LRRIQ1: variants seen among roughly 807,000 people sequenced by gnomAD.
The protein encoded by LRRIQ1 is leucine-rich repeat- and IQ domain-containing protein 1.
In LRRIQ1, 210 loss-of-function variants were observed where a neutral mutation model predicts 211.9. That is an observed-to-expected ratio of 0.99 (90% confidence interval 0.89 to 1.11). LRRIQ1 has a LOEUF of 1.11. Among genes scored for constraint, LRRIQ1 ranks in the 50% most tolerant of loss-of-function variants. The pLI, the probability that LRRIQ1 is intolerant of heterozygous loss-of-function variation, is 0.00. For synonymous variants in LRRIQ1, 699 were observed against 650.1 expected (o/e 1.08, Z -1.14); for missense variants, 2,136 against 1,939.5 (o/e 1.10, Z -1.90).
At chr12:85,257,117 A>G (rs1896132028) in intron 1 of LRRIQ1, among the ~76,000 whole-genome samples, 1 of 118,034 alleles carries the variant, frequency 8.5e-6, no homozygotes, top group Non-Finnish European at 1.7e-5. Flanking sequence ...ATATATAATT[A>G]CATAATATAT....
At chr12:85,220,092 A>G (rs891618347) in intron 24 of LRRIQ1, among the ~76,000 whole-genome samples, 2 of 152,172 alleles carry the variant, frequency 1.3e-5, no homozygotes, top group Non-Finnish European at 2.9e-5. Flanking sequence ...TTGCCGACAT[A>G]AGATACATAG....
chr12:85,041,987 A>G (rs1432056651), intron 3 of LRRIQ1, among the ~76,000 whole-genome samples: 4 of 151,982 alleles, frequency 2.6e-5, no homozygotes, highest in Non-Finnish European at 4.4e-5. Flanking sequence ...ATTGCTATGT[A>G]AAGATTTACT....
At chr12:85,148,585 A>T (rs1054043173) in intron 19 of LRRIQ1, among the ~76,000 whole-genome samples, 1 of 151,962 alleles carries the variant, frequency 6.6e-6, no homozygotes, top group Admixed American at 6.6e-5. Flanking sequence ...TGACTTTGCT[A>T]TTATAAATAG....
chr12:85,183,480 C>T (rs1431966927), intron 24 of LRRIQ1, among the ~76,000 whole-genome samples: 1 of 151,958 alleles, frequency 6.6e-6, no homozygotes, highest in Non-Finnish European at 1.5e-5. Flanking sequence ...GCTCATTTTG[C>T]CCCAAATTCT....
chr12:85,138,442 A>G (rs903149054), intron 19 of LRRIQ1, among the ~76,000 whole-genome samples: 2 of 151,544 alleles, frequency 1.3e-5, no homozygotes, highest in African/African-American at 4.8e-5. Flanking sequence ...ATTTTGTAGA[A>G]TATCTCTGAA....
intron 24 of LRRIQ1, among the ~76,000 whole-genome samples, chr12:85,217,217 A>G (rs1003412406): frequency 4.0e-5 from 6 of 151,458 alleles, no homozygotes; most frequent in Non-Finnish European, 7.4e-5. Context: ...ATGAACATAT[A>G]GACATATGTG....
intron 8 of LRRIQ1, among the ~76,000 whole-genome samples, chr12:85,061,316 A>G (rs1274827238): frequency 6.6e-6 from 1 of 151,810 alleles, no homozygotes; most frequent in Non-Finnish European, 1.5e-5. Flanking sequence ...AATTAATACA[A>G]AAATTTATTT....
chr12:85,231,151 CAA>C (rs1894919527), intron 25 of LRRIQ1, among the ~76,000 whole-genome samples: 1 of 151,620 alleles, frequency 6.6e-6, no homozygotes, highest in Non-Finnish European at 1.5e-5. Flanking sequence ...AACACACAAA[CAA>C]AAAGCTATCA....
At chr12:85,221,149 T>G (rs1894384643) in intron 24 of LRRIQ1, among the ~76,000 whole-genome samples, 1 of 152,008 alleles carries the variant, frequency 6.6e-6, no homozygotes, top group South Asian at 2.1e-4. Context: ...AGTTGTTAAT[T>G]TTTATCCCAA....
Position 85,047,274 on chromosome 12 carries a change from G to A in LRRIQ1, c.482G>A (p.Cys161Tyr), listed in dbSNP as rs757987265. ...GATGCTGATATAAATTTTGGATACT[G>A]TGAAGTGGAAGAAAAATGTAGACAG... is the stretch of plus-strand genomic sequence containing the variant. The part of the protein sequence containing the change: ...PDDADINFGY[C>Y]EVEEKCRQSF... The change falls in exon 6 of 27, where the codon TGT (cysteine) becomes TAT (tyrosine). Residue 161 changes from cysteine to tyrosine, a missense_variant. Coordinates refer to ENST00000393217, the MANE Select transcript of LRRIQ1 (RefSeq NM_001079910.2). The A allele has an allele frequency of 6.2e-7, 1 of 1,601,044 alleles. No homozygotes were observed.
intron 24 of LRRIQ1, among the ~76,000 whole-genome samples, chr12:85,205,489 C>T (rs189391944): frequency 5.3e-5 from 8 of 152,184 alleles, no homozygotes; most frequent in Admixed American, 3.3e-4. Context: ...GATAGATTTC[C>T]TTTGTGGGTG....
At chr12:85,041,790 A>C (rs1168045084) in intron 3 of LRRIQ1, among the ~76,000 whole-genome samples, 1 of 151,868 alleles carries the variant, frequency 6.6e-6, no homozygotes, top group African/African-American at 2.4e-5. Context: ...GCCTTGAGGT[A>C]GTCAAGCTAC....
intron 1 of LRRIQ1, among the ~76,000 whole-genome samples, chr12:85,257,836 CTT>C (rs1227090555): frequency 6.6e-6 from 1 of 150,512 alleles, no homozygotes; most frequent in African/African-American, 2.4e-5. Flanking sequence ...TTAGTGAAGA[CTT>C]TTTTTTTAGC....
At position 85,066,755 on chromosome 12, in the gene LRRIQ1, A is replaced by G. The variant is rs201707498; in HGVS notation, c.2552A>G (p.His851Arg). The change falls in exon 10 of 27, where the codon CAT becomes CGT. Residue 851 changes from histidine (H) to arginine (R), a missense_variant. By Grantham distance (29) the His-to-Arg change is conservative. Transcript: ENST00000393217. ...ATTTGTTCTTTGCTTCAGGAAAACCATATTGAGGCTATTGAGTGTGAAAAT... is the reference window on the plus strand; with the variant it reads ...ATTTGTTCTTTGCTTCAGGAAAACCGTATTGAGGCTATTGAGTGTGAAAAT... ...KLKYIDAQEN[H>R]IEAIECENLE... 991 of 1,585,794 alleles carry G rather than the reference A, an allele frequency of 6.2e-4. 1 individual carries two copies. The highest frequency in any genetic ancestry group is 7.6e-4 in the Non-Finnish European group (884 of 1,169,078).
chr12:85,245,765 C>A (rs1895688875), downstream of LRRIQ1, among the ~76,000 whole-genome samples: 1 of 150,546 alleles, frequency 6.6e-6, no homozygotes, highest in Non-Finnish European at 1.5e-5. Flanking sequence ...TTGTTAATTT[C>A]CCCAATATAT....
At chr12:85,228,477 A>G (rs1894777167) in intron 24 of LRRIQ1, among the ~76,000 whole-genome samples, 2 of 152,180 alleles carry the variant, frequency 1.3e-5, no homozygotes, top group Non-Finnish European at 2.9e-5. Flanking sequence ...AGGTCGCATA[A>G]GAAGCAATAG....
intron 24 of LRRIQ1, among the ~76,000 whole-genome samples, chr12:85,171,381 A>G (rs761702054): frequency 1.3e-5 from 2 of 152,320 alleles, no homozygotes; most frequent in Non-Finnish European, 2.9e-5. Context: ...AAAGTGAAGA[A>G]AAAGCTGAAG....
chr12:85,219,085 A>T (rs1894284815), intron 24 of LRRIQ1, among the ~76,000 whole-genome samples: 1 of 152,088 alleles, frequency 6.6e-6, no homozygotes, highest in South Asian at 2.1e-4. Flanking sequence ...TAGTTATAGC[A>T]CACATGGAGA....
At chr12:85,223,302 C>T (rs546476859) in intron 24 of LRRIQ1, among the ~76,000 whole-genome samples, 9 of 152,086 alleles carry the variant, frequency 5.9e-5, no homozygotes, top group Non-Finnish European at 1.3e-4. Context: ...AAATTGGGAG[C>T]ACCAACATCT....
Sources: gnomAD v4.1 joint callset for allele counts (sites outside exome capture counted in the v4.1 genomes callset) on GRCh38, gnomAD v4.1.1 for gene constraint, MANE v1.5 for transcripts, NCBI Gene and HGNC (gene_info 2026-07-23, HGNC 2026-07-21) for gene names.